RAD51B: variants seen among roughly 807,000 people sequenced by gnomAD.
RAD51B encodes RAD51 paralog B.
A neutral mutation model predicts 42.2 loss-of-function variants in RAD51B; 38 were observed. That is an observed-to-expected ratio of 0.90 (90% CI 0.70 to 1.18). The LOEUF is 1.18. Ranked by LOEUF, RAD51B falls within the 50% of genes most tolerant of loss-of-function variation. The pLI, the probability that RAD51B is intolerant of heterozygous loss-of-function variation, is 0.00. For missense variants in RAD51B, 373 were observed against 400.7 expected (o/e 0.93, Z 0.59); for synonymous variants, 154 against 145.2 (o/e 1.06, Z -0.43).
intron 10 of RAD51B, among the ~76,000 whole-genome samples, chr14:68,610,063 A>G (rs925700728): frequency 6.6e-6 from 1 of 151,652 alleles, no homozygotes. Flanking sequence ...CCAGATCCCC[A>G]CATTTCTACC....
intron 11 of RAD51B, among the ~76,000 whole-genome samples, chr14:68,653,977 T>G (rs1182429966): frequency 6.6e-6 from 1 of 152,230 alleles, no homozygotes; most frequent in Non-Finnish European, 1.5e-5. Flanking sequence ...CTAAAGGGCC[T>G]TGTGTGACTG....
At chr14:68,062,606 C>A (rs997337589) in intron 7 of RAD51B, among the ~76,000 whole-genome samples, 1 of 151,664 alleles carries the variant, frequency 6.6e-6, no homozygotes, top group Non-Finnish European at 1.5e-5. Context: ...CCAGCCTGGC[C>A]AATATGGTGA....
intron 7 of RAD51B, among the ~76,000 whole-genome samples, chr14:67,915,681 A>T (rs1038679419): frequency 6.6e-6 from 1 of 152,234 alleles, no homozygotes; most frequent in Non-Finnish European, 1.5e-5. Context: ...TGTCATTCTT[A>T]TATAAGAGTT....
At chr14:68,256,695 A>C (rs2080760217) in intron 7 of RAD51B, among the ~76,000 whole-genome samples, 1 of 152,176 alleles carries the variant, frequency 6.6e-6, no homozygotes, top group Admixed American at 6.5e-5. Flanking sequence ...CCAAGGCCCC[A>C]GGTTAAATCC....
At chr14:68,451,921 G>T (rs1450750326) in intron 9 of RAD51B, among the ~76,000 whole-genome samples, 1 of 152,194 alleles carries the variant, frequency 6.6e-6, no homozygotes, top group African/African-American at 2.4e-5. Context: ...GATGTAACAG[G>T]GATGTGTGCT....
At chr14:68,390,569 G>C (rs1012968604) in intron 8 of RAD51B, among the ~76,000 whole-genome samples, 2 of 152,218 alleles carry the variant, frequency 1.3e-5, no homozygotes, top group Non-Finnish European at 1.5e-5. Context: ...GACTGTCTGG[G>C]ACCCTTGGAG....
At chr14:68,341,826 T>C (rs1001952856) in intron 8 of RAD51B, among the ~76,000 whole-genome samples, 13 of 152,172 alleles carry the variant, frequency 8.5e-5, no homozygotes, top group Non-Finnish European at 1.8e-4. Context: ...GGTGGAGCAG[T>C]TCTCCAAAGG....
At chr14:68,195,178 A>G (rs1217046992) in intron 7 of RAD51B, among the ~76,000 whole-genome samples, 1 of 152,234 alleles carries the variant, frequency 6.6e-6, no homozygotes, top group African/African-American at 2.4e-5. Context: ...GAAGAAAACT[A>G]CAATTTTAGT....
intron 5 of RAD51B, among the ~76,000 whole-genome samples, chr14:67,875,932 C>T (rs1409808034): frequency 6.6e-6 from 1 of 152,090 alleles, no homozygotes; most frequent in Non-Finnish European, 1.5e-5. Context: ...CAGAAAGAAA[C>T]AATAGGGGAG....
intron 7 of RAD51B, among the ~76,000 whole-genome samples, chr14:68,206,788 C>CTTT (rs34642019): frequency 3.3e-4 from 41 of 124,344 alleles, no homozygotes; most frequent in African/African-American, 1.1e-3. Flanking sequence ...AACCCCAGTT[C>CTTT]TTTTTTTTTT....
intron 7 of RAD51B, among the ~76,000 whole-genome samples, chr14:68,115,633 G>GT (rs2077533979): frequency 6.6e-6 from 1 of 150,744 alleles, no homozygotes; most frequent in South Asian, 2.1e-4. Flanking sequence ...CCAAGCTGTT[G>GT]TAAGTCAAAC....
At chr14:68,287,503 T>G (rs193093781) in intron 7 of RAD51B, among the ~76,000 whole-genome samples, 87 of 152,360 alleles carry the variant, frequency 5.7e-4, no homozygotes, top group Non-Finnish European at 1.0e-3. Context: ...TATTCCTGGC[T>G]TCAGACCTAA....
intron 8 of RAD51B, among the ~76,000 whole-genome samples, chr14:68,318,173 G>T (rs940637584): frequency 2.6e-5 from 4 of 152,318 alleles, no homozygotes; most frequent in East Asian, 3.9e-4. Context: ...AAACGTTTTT[G>T]ACCAGCACGT....
At chr14:68,471,850 G>A (rs2086136206) in intron 10 of RAD51B, among the ~76,000 whole-genome samples, 1 of 152,174 alleles carries the variant, frequency 6.6e-6, no homozygotes, top group Non-Finnish European at 1.5e-5. Flanking sequence ...GCCTCTGGAT[G>A]CTGGAAATAC....
At chr14:68,315,790 G>A (rs1300949566) in intron 8 of RAD51B, among the ~76,000 whole-genome samples, 1 of 152,160 alleles carries the variant, frequency 6.6e-6, no homozygotes, top group Non-Finnish European at 1.5e-5. Context: ...CCAAAGTGCT[G>A]GGATTACAGG....
At chr14:68,189,857 G>T (rs1054688198) in intron 7 of RAD51B, among the ~76,000 whole-genome samples, 47 of 152,044 alleles carry the variant, frequency 3.1e-4, no homozygotes, top group African/African-American at 1.0e-3. Context: ...GTAGAGATTA[G>T]ATTTCACGAT....
chr14:67,833,291 G>T (rs2041118098), intron 3 of RAD51B, among the ~76,000 whole-genome samples: 1 of 152,170 alleles, frequency 6.6e-6, no homozygotes, highest in Admixed American at 6.5e-5. Context: ...CAGGAGAATT[G>T]CTTGAACCCA....
rs970466247 is a variant in RAD51B at position 68,595,277 on chromosome 14, C to T, written c.*674C>T. ...CTTCCAGTTGCTTCTACAGGTTTAC[C>T]TTGCTAAAGGCATTTCGCTTCCTTT... On this transcript the variant is annotated 3_prime_UTR_variant, in exon 11 of 11. Coordinates refer to the RAD51B transcript ENST00000487270. 2.8e-6 allele frequency: 3 copies of T among 1,064,160 alleles called. No homozygotes were observed. In the African/African-American group the frequency reaches 4.9e-5, roughly 17 times the overall value. 65.9% of individuals were successfully genotyped at this position (1,064,160 alleles called of 1,614,324 possible). A position where few individuals can be genotyped will look rare whatever the true frequency, so the allele number is the denominator to read the frequency against.
chr14:68,496,875 T>A (rs1464838224), intron 10 of RAD51B, among the ~76,000 whole-genome samples: 2 of 152,234 alleles, frequency 1.3e-5, no homozygotes, highest in East Asian at 3.8e-4. Flanking sequence ...ACACAGGGCA[T>A]CTCCATGTCC....
Sources: allele counts gnomAD v4.1 joint callset (sites outside exome capture counted in the v4.1 genomes callset), GRCh38; gene constraint gnomAD v4.1.1; transcripts MANE v1.5; gene names NCBI Gene and HGNC (gene_info 2026-07-23, HGNC 2026-07-21).